The following KLHL14 variants were observed in gnomAD, a reference collection of about 807,000 sequenced individuals.
KLHL14 encodes the protein kelch like family member 14, also known as kelch-like protein 14.
KLHL14 carries 22 observed loss-of-function variants against 64.3 expected under a neutral mutation model. That is an observed-to-expected ratio of 0.34 (90% CI 0.24 to 0.49). KLHL14 has a LOEUF of 0.49. KLHL14 is among the 20% of genes least tolerant of loss of function. The pLI is 0.99. For synonymous variants in KLHL14, 322 were observed against 333.4 expected (o/e 0.97, Z 0.37); for missense variants, 661 against 789.0 (o/e 0.84, Z 1.94).
At chr18:32,766,099 A>C (rs2050342268) in intron 2 of KLHL14, among the ~76,000 whole-genome samples, 1 of 152,054 alleles carries the variant, frequency 6.6e-6, no homozygotes, top group Non-Finnish European at 1.5e-5. Context: ...ATGAAGTACA[A>C]CATTGAGCCT....
At chr18:32,706,101 G>A (rs530996233) in intron 3 of KLHL14, among the ~76,000 whole-genome samples, 60 of 152,210 alleles carry the variant, frequency 3.9e-4, no homozygotes, top group Non-Finnish European at 7.9e-4. Context: ...TGACTTTAAA[G>A]CCTATTTCAC....
intron 7 of KLHL14, among the ~76,000 whole-genome samples, chr18:32,678,690 C>T (rs2049823235): frequency 6.6e-6 from 1 of 152,088 alleles, no homozygotes. Context: ...GATAATTATC[C>T]TTCCTTTACA....
intron 3 of KLHL14, among the ~76,000 whole-genome samples, chr18:32,697,493 C>A (rs2049942568): frequency 6.6e-6 from 1 of 152,110 alleles, no homozygotes; most frequent in South Asian, 2.1e-4. Flanking sequence ...TATTCTATGA[C>A]CACAGCTCTT....
rs74397297 is a variant in KLHL14 at position 32,709,353 on chromosome 18, G to A, written c.1070-13801C>T. ...TAAGTCAGGTGTCTGCTGGAAGAGA[G>A]ACCTTTCCTGACAGTGCCATTTAGA... On this transcript the variant is annotated intron_variant, in intron 3 of 8. Transcript: ENST00000359358. Among the ~76,000 whole-genome samples the A allele has an allele frequency of 6.4e-3, 969 of 152,266 alleles. 5 individuals carry two copies. Among genetic ancestry groups the A allele is most frequent in the Middle Eastern group, 0.014 (4 of 294 alleles).
chr18:32,677,077 AAAAGGT>A (rs2049814864), intron 8 of KLHL14, 90 bp downstream of exon 8: 1 of 1,284,610 alleles, frequency 7.8e-7, no homozygotes, highest in Non-Finnish European at 1.1e-6. Flanking sequence ...TGATACTCTT[AAAAGGT>A]ACATGTGTGG....
intron 4 of KLHL14, among the ~76,000 whole-genome samples, chr18:32,693,047 T>C (rs1042216757): frequency 1.3e-5 from 2 of 152,122 alleles, no homozygotes; most frequent in East Asian, 1.9e-4. Context: ...TTAGCCCAGA[T>C]TCCTTTACCA....
chr18:32,728,290 C>T (rs538473195), intron 3 of KLHL14, among the ~76,000 whole-genome samples: 19 of 152,250 alleles, frequency 1.2e-4, no homozygotes, highest in African/African-American at 3.4e-4. Flanking sequence ...AAGCTTTATT[C>T]GGGTACACAT....
At chr18:32,755,541 G>A (rs1382493375) in intron 2 of KLHL14, among the ~76,000 whole-genome samples, 1 of 151,678 alleles carries the variant, frequency 6.6e-6, no homozygotes, top group Non-Finnish European at 1.5e-5. Flanking sequence ...TTTTAATTTT[G>A]CAAAAATTTT....
intron 3 of KLHL14, among the ~76,000 whole-genome samples, chr18:32,739,642 G>GCACACA (rs61442102): frequency 1.1e-4 from 16 of 147,294 alleles, no homozygotes; most frequent in African/African-American, 3.2e-4. Context: ...TAAGAACTTT[G>GCACACA]CACACACACA....
intron 3 of KLHL14, among the ~76,000 whole-genome samples, chr18:32,715,928 A>G (rs2050043112): frequency 6.6e-6 from 1 of 152,210 alleles, no homozygotes; most frequent in Non-Finnish European, 1.5e-5. Flanking sequence ...ACTACACAGT[A>G]ATGAGTTGAA....
chr18:32,710,601 G>A (rs912842336), intron 3 of KLHL14, among the ~76,000 whole-genome samples: 15 of 152,098 alleles, frequency 9.9e-5, no homozygotes. Flanking sequence ...TCCCAGAGAG[G>A]GATAATTTAT....
intron 7 of KLHL14, among the ~76,000 whole-genome samples, chr18:32,678,509 C>T (rs937375102): frequency 6.6e-6 from 1 of 152,090 alleles, no homozygotes; most frequent in Non-Finnish European, 1.5e-5. Flanking sequence ...TATTCCTTTC[C>T]TTTACCATTA....
chr18:32,756,731 T>C (rs2050283947), intron 2 of KLHL14, among the ~76,000 whole-genome samples: 1 of 152,244 alleles, frequency 6.6e-6, no homozygotes, highest in Admixed American at 6.5e-5. Flanking sequence ...ATGTCTATTT[T>C]CTCTTTTCAA....
At chr18:32,739,803 G>A (rs2050186257) in intron 3 of KLHL14, among the ~76,000 whole-genome samples, 1 of 152,006 alleles carries the variant, frequency 6.6e-6, no homozygotes, top group Admixed American at 6.6e-5. Context: ...CTACTCTCGG[G>A]CAGTGGATTG....
chr18:32,730,176 C>T (rs1598567121), intron 3 of KLHL14, among the ~76,000 whole-genome samples: 1 of 152,294 alleles, frequency 6.6e-6, no homozygotes, highest in East Asian at 1.9e-4. Flanking sequence ...GAAGTATAGC[C>T]TGCTTCACCT....
Position 32,683,297 on chromosome 18 carries a change from C to T in KLHL14, c.1239-2698G>A, listed in dbSNP as rs560993028. ...GGGAAAAAATCAGCAGATTTCACTT[C>T]CTGATGACAAGTGCATTTTTAGGTA... On this transcript the variant is annotated intron_variant, in intron 5 of 8. Coordinates refer to ENST00000359358, the MANE Select transcript of KLHL14 (RefSeq NM_020805.3). The surrounding 1 kb of genome is among the most constrained non-coding windows in gnomAD (Gnocchi z 4.2). Among the ~76,000 whole-genome samples, 103 of 152,222 alleles carry T rather than the reference C, an allele frequency of 6.8e-4. No individual in the cohort carries two copies. Among genetic ancestry groups the T allele is most frequent in the Non-Finnish European group, 1.3e-3 (88 of 68,010 alleles).
intron 3 of KLHL14, among the ~76,000 whole-genome samples, chr18:32,717,918 G>A (rs2050054551): frequency 6.6e-6 from 1 of 152,120 alleles, no homozygotes; most frequent in Non-Finnish European, 1.5e-5. Flanking sequence ...TTCATCTTTT[G>A]ACCAAAGACA....
chr18:32,771,013 T>C, intron 1 of KLHL14: 1 of 385,760 alleles, frequency 2.6e-6, no homozygotes, highest in Non-Finnish European at 5.2e-6. Context: ...CCTCGTGGGC[T>C]CGTGTCCATG....
rs190803625 is a variant in KLHL14, at chr18:32,683,562, A to G, written c.1239-2963T>C. On this transcript the variant is annotated intron_variant, in intron 5 of 8. Coordinates refer to ENST00000359358, the MANE Select transcript of KLHL14 (RefSeq NM_020805.3). The surrounding 1 kb of genome is among the most constrained non-coding windows in gnomAD (Gnocchi z 4.2). ...TTTATTTTGGGGGGAAAGTAAGTTC[A>G]AGATTATTAAAGATTTCTTATTGGG... is the stretch of plus-strand genomic sequence containing the variant. Among the ~76,000 whole-genome samples the G allele has an allele frequency of 7.0e-3, 1,061 of 152,296 alleles. 10 individuals are homozygous for G. The highest frequency in any genetic ancestry group is 0.024 in the African/African-American group (1,008 of 41,550).
Sources: allele counts gnomAD v4.1 joint callset (sites outside exome capture counted in the v4.1 genomes callset), GRCh38; gene constraint gnomAD v4.1.1; non-coding constraint Gnocchi (gnomAD v3.1); transcripts MANE v1.5; gene names NCBI Gene and HGNC (gene_info 2026-07-23, HGNC 2026-07-21).